The following ACP3 variants were observed in gnomAD, a reference collection of about 807,000 sequenced individuals.
The protein encoded by ACP3 is prostatic acid phosphatase.
Under a neutral mutation model 45.6 loss-of-function variants are expected in ACP3, and 38 were observed. The observed-to-expected ratio is 0.83, with a 90% CI of 0.64 to 1.09. ACP3 has a LOEUF of 1.09. Among genes scored for constraint, ACP3 ranks in the 50% least tolerant of loss-of-function variants. ACP3 has a pLI of 0.00. For missense variants in ACP3, 466 were observed against 463.2 expected (o/e 1.01, Z -0.05); for synonymous variants, 162 against 164.7 (o/e 0.98, Z 0.13).
At chr3:132,365,026 T>C (rs1157501394) in intron 10 of ACP3, among the ~76,000 whole-genome samples, 1 of 152,236 alleles carries the variant, frequency 6.6e-6, no homozygotes, top group African/African-American at 2.4e-5. Flanking sequence ...AAACCACCTT[T>C]TCGTGATGCT....
At chr3:132,322,304 G>C (rs966623066) in intron 1 of ACP3, among the ~76,000 whole-genome samples, 1 of 152,166 alleles carries the variant, frequency 6.6e-6, no homozygotes, top group Non-Finnish European at 1.5e-5. Flanking sequence ...GGGGAGTACA[G>C]AACATATTCT....
chr3:132,351,719 CT>C lies in ACP3; in HGVS notation c.865-990del, dbSNP rs766714732. Among the ~76,000 whole-genome samples, 326 of 146,540 alleles carry C rather than the reference CT, an allele frequency of 2.2e-3. 3 individuals carry two copies. Among genetic ancestry groups the C allele is most frequent in the East Asian group, 0.018 (90 of 5,062 alleles). The stretch of plus-strand genomic sequence containing the variant: ...TTCCAGCATGTCATATCCGTAGCTC[CT>C]TTTTTTTTTTCTCTATTAGATTACT... On this transcript the variant is annotated intron_variant, in intron 8 of 9. Coordinates refer to ENST00000336375, the MANE Select transcript of ACP3 (RefSeq NM_001099.5).
Position 132,357,176 on chromosome 3 carries a change from C to T in ACP3, c.*298C>T. On this transcript the variant is annotated 3_prime_UTR_variant, in exon 10 of 10. Coordinates refer to ENST00000336375, the MANE Select transcript of ACP3 (RefSeq NM_001099.5). ...TCAAAGTTCATAGAGTTCCCATGAA[C>T]TATATGACTGGCCACACAGGATCTT... 9.4e-7 allele frequency: 1 copy of T among 1,059,394 alleles called. No individual in the cohort carries two copies. Among genetic ancestry groups the T allele is most frequent in the Non-Finnish European group, 1.1e-6 (1 of 877,226 alleles). 65.6% of individuals were successfully genotyped at this position (1,059,394 alleles called of 1,614,324 possible). A position where few individuals can be genotyped will look rare whatever the true frequency, so the allele number is the denominator to read the frequency against.
chr3:132,328,279 G>A lies in ACP3; in HGVS notation c.133G>A (p.Gly45Arg). 1 of 1,613,628 alleles carries A rather than the reference G, an allele frequency of 6.2e-7. No homozygotes were observed. Among genetic ancestry groups the A allele is most frequent in the East Asian group, 2.2e-5 (1 of 44,854 alleles). Reference sequence around the variant, plus strand: ...CATCTACTTTCAGGTGTTTCGGCATGGAGACCGAAGTCCCATTGACACCTT... The same window carrying A: ...CATCTACTTTCAGGTGTTTCGGCATAGAGACCGAAGTCCCATTGACACCTT... Reference protein sequence around the residue: ...LKFVTLVFRHGDRSPIDTFPT... With the variant: ...LKFVTLVFRHRDRSPIDTFPT... Residue 45 changes from glycine (G) to arginine (R), a missense_variant, in exon 2 of 10, where the codon GGA becomes AGA. Gly to Arg is a moderately radical substitution (Grantham distance 125). Transcript: ENST00000336375.
intron 8 of ACP3, among the ~76,000 whole-genome samples, chr3:132,352,151 T>G (rs560981963): frequency 1.3e-5 from 2 of 152,264 alleles, no homozygotes; most frequent in South Asian, 4.1e-4. Flanking sequence ...TTAAGCAAGT[T>G]GCTTAATTTC....
chr3:132,347,196 T>C (rs1937619700), intron 7 of ACP3, among the ~76,000 whole-genome samples: 1 of 152,224 alleles, frequency 6.6e-6, no homozygotes, highest in Non-Finnish European at 1.5e-5. Context: ...AAACCAGCTG[T>C]CCTGCTTTCT....
Position 132,358,193 on chromosome 3 carries a change from A to G in ACP3, c.*1315A>G, listed in dbSNP as rs1576429340. Reference sequence around the variant, plus strand: ...TCACTTTAGGCCTGGTGTGTTCAAGACCAGCCTGGTCAACATAGTGAGACA... The same window carrying G: ...TCACTTTAGGCCTGGTGTGTTCAAGGCCAGCCTGGTCAACATAGTGAGACA... On this transcript the variant is annotated 3_prime_UTR_variant, in exon 10 of 10. Transcript: ENST00000336375. 1 of 1,039,176 alleles carries G rather than the reference A, an allele frequency of 9.6e-7. No individual in the cohort carries two copies. The highest frequency in any genetic ancestry group is 7.7e-5 in the East Asian group (1 of 13,050). 64.4% of individuals were successfully genotyped at this position (1,039,176 alleles called of 1,614,324 possible).
intron 7 of ACP3, among the ~76,000 whole-genome samples, chr3:132,345,853 G>A (rs13074651): frequency 0.067 from 10,188 of 152,214 alleles, 926 homozygotes; most frequent in East Asian, 0.49. Flanking sequence ...GCTTATGAGA[G>A]AAACTGGATG....
At position 132,337,461 on chromosome 3, in the gene ACP3, A is replaced by G. The variant is rs1169241059; in HGVS notation, c.462A>G (p.Leu154=). The G allele has an allele frequency of 1.2e-6, 2 of 1,606,068 alleles. No individual in the cohort carries two copies. The highest frequency in any genetic ancestry group is 1.7e-6 in the Non-Finnish European group (2 of 1,173,838). ...HTVPLSEDQL[L]YLPFRNCPRF... is the part of the protein sequence containing the mutation. ...GATTTTTCTCTTATCCTCAGTTGCT[A>G]TACCTGCCTTTCAGGAACTGCCCTC... The change falls in exon 5 of 10, where the codon CTA becomes CTG. Residue 154 remains leucine, a synonymous_variant. Coordinates refer to ENST00000336375, the MANE Select transcript of ACP3 (RefSeq NM_001099.5).
chr3:132,323,170 G>GAA (rs60981392), intron 1 of ACP3, among the ~76,000 whole-genome samples: 53 of 142,880 alleles, frequency 3.7e-4, no homozygotes, highest in Admixed American at 2.8e-3. Flanking sequence ...TGAAAGAAAG[G>GAA]AAAAAAAAAA....
intron 1 of ACP3, among the ~76,000 whole-genome samples, chr3:132,327,458 G>A (rs530568624): frequency 2.9e-4 from 44 of 150,928 alleles, no homozygotes; most frequent in African/African-American, 8.0e-4. Flanking sequence ...AGGCTACAGC[G>A]AGCCAAGATG....
intron 2 of ACP3, among the ~76,000 whole-genome samples, chr3:132,330,204 G>A (rs1433601105): frequency 6.6e-6 from 1 of 152,090 alleles, no homozygotes; most frequent in Non-Finnish European, 1.5e-5. Context: ...TCAGGCCTGA[G>A]CCACCACACC....
chr3:132,362,428 C>A (rs1938057602), downstream of ACP3, among the ~76,000 whole-genome samples: 2 of 152,176 alleles, frequency 1.3e-5, no homozygotes, highest in South Asian at 4.1e-4. Context: ...CTGAGTACCT[C>A]TTATGTACTC....
chr3:132,339,237 GA>G (rs111317461), intron 5 of ACP3, among the ~76,000 whole-genome samples: 14 of 115,458 alleles, frequency 1.2e-4, no homozygotes, highest in East Asian at 2.4e-4. Flanking sequence ...TTTTGTGTGT[GA>G]AAAAAAACAC....
intron 4 of ACP3, chr3:132,332,601 A>C: frequency 7.0e-6 from 3 of 430,814 alleles, no homozygotes; most frequent in Non-Finnish European, 8.5e-6. Flanking sequence ...TTGCCCCCTC[A>C]TCGTCATACA....
At chr3:132,321,501 G>A (rs899946977) in intron 1 of ACP3, among the ~76,000 whole-genome samples, 1 of 152,114 alleles carries the variant, frequency 6.6e-6, no homozygotes, top group African/African-American at 2.4e-5. Flanking sequence ...GACATTTGCC[G>A]GAAACAGCAC....
chr3:132,352,487 C>A (rs2107814998), intron 8 of ACP3, among the ~76,000 whole-genome samples: 1 of 152,094 alleles, frequency 6.6e-6, no homozygotes, highest in African/African-American at 2.4e-5. Flanking sequence ...CATGAGCTAC[C>A]ACGCCCAGCC....
chr3:132,339,050 C>T (rs764773047), intron 5 of ACP3, among the ~76,000 whole-genome samples: 8 of 152,110 alleles, frequency 5.3e-5, no homozygotes, highest in Non-Finnish European at 1.2e-4. Context: ...TTCCAAGAGG[C>T]CCCAGTGTGT....
chr3:132,327,508 A>C (rs945818329), intron 1 of ACP3, among the ~76,000 whole-genome samples: 2 of 146,028 alleles, frequency 1.4e-5, no homozygotes, highest in African/African-American at 2.6e-5. Context: ...AGCAAGACTC[A>C]GTCTCGAAAA....
Sources: gnomAD v4.1 joint callset for allele counts (sites outside exome capture counted in the v4.1 genomes callset) on GRCh38, gnomAD v4.1.1 for gene constraint, MANE v1.5 for transcripts, NCBI Gene and HGNC (gene_info 2026-07-23, HGNC 2026-07-21) for gene names.